The following LOC128462377 variants were observed in gnomAD, a reference collection of about 807,000 sequenced individuals.
chr16:89,410,432 T>A, the LOC128462377 span, among the ~76,000 whole-genome samples: 1 of 152,216 alleles, frequency 6.6e-6, no homozygotes, highest in Admixed American at 6.5e-5. Flanking sequence ...ACACTGGTGT[T>A]GGGAGTGATG....
the LOC128462377 span, among the ~76,000 whole-genome samples, chr16:89,387,872 G>T: frequency 6.6e-6 from 1 of 151,102 alleles, no homozygotes. Context: ...AGGCGTGGTG[G>T]TGGGTGGTGG....
At chr16:89,321,723 G>A in the LOC128462377 span, among the ~76,000 whole-genome samples, 1 of 152,030 alleles carries the variant, frequency 6.6e-6, no homozygotes, top group African/African-American at 2.4e-5. Context: ...AGACTTCTTT[G>A]GGGTTGAAAT....
chr16:89,399,129 G>A, the LOC128462377 span, among the ~76,000 whole-genome samples: 10 of 152,182 alleles, frequency 6.6e-5, no homozygotes, highest in Admixed American at 1.3e-4. Context: ...CTCCGAACAC[G>A]GAGCAGGAGC....
the LOC128462377 span, among the ~76,000 whole-genome samples, chr16:89,338,258 G>A: frequency 2.0e-5 from 3 of 151,970 alleles, no homozygotes; most frequent in African/African-American, 7.3e-5. Context: ...TGCCATGAGC[G>A]CCACACTGTG....
chr16:89,378,269 A>T, the LOC128462377 span, among the ~76,000 whole-genome samples: 88,708 of 152,044 alleles, frequency 0.58, 26,035 homozygotes, highest in Middle Eastern at 0.76. Flanking sequence ...TCAGGAAGGC[A>T]CTGGTCAACA....
At chr16:89,339,643 T>C in the LOC128462377 span, among the ~76,000 whole-genome samples, 3 of 152,238 alleles carry the variant, frequency 2.0e-5, no homozygotes, top group African/African-American at 4.8e-5. Context: ...CAATAGCTAA[T>C]GTTTCCTTTA....
chr16:89,380,326 G>T, the LOC128462377 span, among the ~76,000 whole-genome samples: 1 of 152,142 alleles, frequency 6.6e-6, no homozygotes, highest in African/African-American at 2.4e-5. Flanking sequence ...TGGCCAAGCT[G>T]GTCTCAAACT....
chr16:89,375,304 T>C, the LOC128462377 span, among the ~76,000 whole-genome samples: 1 of 152,204 alleles, frequency 6.6e-6, no homozygotes, highest in Non-Finnish European at 1.5e-5. Flanking sequence ...ATCTCAAGCC[T>C]TAAGCTAGTT....
chr16:89,368,484 T>A, the LOC128462377 span, among the ~76,000 whole-genome samples: 2 of 146,368 alleles, frequency 1.4e-5, no homozygotes, highest in African/African-American at 2.5e-5. Context: ...GCCTCCGAAG[T>A]GCTGGGATTA....
At chr16:89,398,666 C>T in the LOC128462377 span, among the ~76,000 whole-genome samples, 2 of 151,946 alleles carry the variant, frequency 1.3e-5, no homozygotes, top group Admixed American at 6.6e-5. Context: ...GGTTTGAGCC[C>T]GGGAGGTTGA....
At chr16:89,358,080 T>C in the LOC128462377 span, among the ~76,000 whole-genome samples, 1 of 152,202 alleles carries the variant, frequency 6.6e-6, no homozygotes, top group Admixed American at 6.5e-5. Flanking sequence ...AGGCACCAGA[T>C]GCAACTTTTG....
chr16:89,334,923 T>C, the LOC128462377 span, among the ~76,000 whole-genome samples: 162 of 151,994 alleles, frequency 1.1e-3, 1 homozygote, highest in East Asian at 0.022. Context: ...GAGGGCCCCA[T>C]GGTGCTGGGG....
the LOC128462377 span, among the ~76,000 whole-genome samples, chr16:89,386,923 G>A: frequency 2.0e-5 from 3 of 152,004 alleles, no homozygotes; most frequent in Non-Finnish European, 2.9e-5. Context: ...CCCACGCCTC[G>A]ACCACCGAGT....
At chr16:89,334,052 C>T in the LOC128462377 span, among the ~76,000 whole-genome samples, 2 of 147,502 alleles carry the variant, frequency 1.4e-5, no homozygotes, top group African/African-American at 2.5e-5. Context: ...TGGCTCAAGC[C>T]TGTAAAACAA....
chr16:89,334,249 G>C, the LOC128462377 span, among the ~76,000 whole-genome samples: 1 of 150,038 alleles, frequency 6.7e-6, no homozygotes, highest in Non-Finnish European at 1.5e-5. Flanking sequence ...GCCTGGCCTA[G>C]CCCTCATCAA....
the LOC128462377 span, among the ~76,000 whole-genome samples, chr16:89,327,185 C>T: frequency 2.6e-5 from 4 of 152,294 alleles, no homozygotes; most frequent in Non-Finnish European, 4.4e-5. Flanking sequence ...AATCAGTCAA[C>T]GTCACCCAGC....
chr16:89,327,742 T>C, the LOC128462377 span, among the ~76,000 whole-genome samples: 4 of 151,986 alleles, frequency 2.6e-5, no homozygotes, highest in African/African-American at 9.7e-5. Flanking sequence ...CAAATAAAAA[T>C]AAATGCTTAG....
At chr16:89,357,432 G>A in the LOC128462377 span, among the ~76,000 whole-genome samples, 219 of 152,130 alleles carry the variant, frequency 1.4e-3, no homozygotes, top group African/African-American at 5.1e-3. Context: ...AACATATAAT[G>A]GTGCAACTGC....
chr16:89,394,133 C>A, the LOC128462377 span, among the ~76,000 whole-genome samples: 1 of 152,182 alleles, frequency 6.6e-6, no homozygotes, highest in Admixed American at 6.5e-5. Context: ...GCTTCCCAGG[C>A]CACTCAGCTG....
Sources: allele counts gnomAD v4.1 joint callset (sites outside exome capture counted in the v4.1 genomes callset), GRCh38; gene constraint gnomAD v4.1.1; transcripts MANE v1.5.